Variants in PPP2R2C observed in about 807,000 individuals in gnomAD.
PPP2R2C encodes the protein protein phosphatase 2, regulatory subunit B, gamma.
A neutral mutation model predicts 45.3 loss-of-function variants in PPP2R2C; 10 were observed. The ratio of observed to expected loss-of-function variants is 0.22; its 90% CI spans 0.14 to 0.37. The LOEUF is 0.37. Among genes scored for constraint, PPP2R2C ranks in the 10% least tolerant of loss-of-function variants. PPP2R2C has a pLI of 1.00. For missense variants in PPP2R2C, 308 were observed against 619.7 expected, an observed-to-expected ratio of 0.50 and a Z score of 5.34; for synonymous variants, 257 against 245.4, an observed-to-expected ratio of 1.05 and a Z score of -0.44.
Position 6,322,984 on chromosome 4 carries a change from C to G in PPP2R2C, c.*318G>C. The G allele has an allele frequency of 8.3e-6, 2 of 240,290 alleles. No individual in the cohort carries two copies. The highest frequency in any genetic ancestry group is 8.0e-6 in the Non-Finnish European group (1 of 125,174). 14.9% of individuals were successfully genotyped at this position (240,290 alleles called of 1,614,324 possible). On this transcript the variant is annotated 3_prime_UTR_variant, in exon 9 of 9. Coordinates refer to ENST00000382599, the MANE Select transcript of PPP2R2C (RefSeq NM_020416.4). This position sits in a 1 kb window ranked among gnomAD's most constrained non-coding sequence, Gnocchi z 7.8. Reference sequence around the variant, plus strand: ...CTATTGATGTGGTAAAGACCGCAGACCGAGACAGGAAGGGACGTGAATGAA... The same window carrying G: ...CTATTGATGTGGTAAAGACCGCAGAGCGAGACAGGAAGGGACGTGAATGAA...
chr4:6,439,772 C>A (rs2109424791), intron 1 of PPP2R2C, among the ~76,000 whole-genome samples: 1 of 152,280 alleles, frequency 6.6e-6, no homozygotes, highest in South Asian at 2.1e-4. Flanking sequence ...GCATCAAGTC[C>A]AAGTGCCTGG....
At chr4:6,381,706 C>A in intron 1 of PPP2R2C, 1 of 1,565,258 alleles carries the variant, frequency 6.4e-7, no homozygotes, top group South Asian at 1.2e-5. Flanking sequence ...CCCTGACCCT[C>A]CCTGCACTTC....
chr4:6,361,409 A>T (rs28403035), intron 5 of PPP2R2C, among the ~76,000 whole-genome samples: 3,249 of 152,328 alleles, frequency 0.021, 99 homozygotes, highest in African/African-American at 0.074. Context: ...CCAGAGCTTG[A>T]AAGTCCAGCC....
intron 6 of PPP2R2C, among the ~76,000 whole-genome samples, chr4:6,347,403 G>A (rs932520937): frequency 1.3e-5 from 2 of 152,124 alleles, no homozygotes; most frequent in Non-Finnish European, 2.9e-5. Flanking sequence ...TACAGACCCT[G>A]CTCCAAGGAG....
chr4:6,500,260 G>T (rs192070957), intron 2 of PPP2R2C, among the ~76,000 whole-genome samples: 20 of 152,254 alleles, frequency 1.3e-4, no homozygotes, highest in African/African-American at 4.8e-4. Context: ...CGATTCTCTT[G>T]TCTCAGCCTT....
intron 1 of PPP2R2C, among the ~76,000 whole-genome samples, chr4:6,448,192 C>G (rs1326175178): frequency 6.6e-6 from 1 of 152,184 alleles, no homozygotes; most frequent in Non-Finnish European, 1.5e-5. Context: ...AAGCCCTTTG[C>G]ATCGTTTCCT....
In PPP2R2C at chr4:6,324,972, T is replaced by A. The variant is rs1018641723; in HGVS notation, c.1053-1379A>T. On this transcript the variant is annotated intron_variant, in intron 8 of 8. Transcript: ENST00000382599. The surrounding 1 kb of genome is among the most constrained non-coding windows in gnomAD (Gnocchi z 4.1). Reference sequence around the variant, plus strand: ...GGCTCTTCAGGGAGGAAATCCTGTTTCCTTTTGGAAGCTGAGCTGGGCTTC... The same window carrying A: ...GGCTCTTCAGGGAGGAAATCCTGTTACCTTTTGGAAGCTGAGCTGGGCTTC... 6.6e-6 allele frequency among the ~76,000 whole-genome samples: 1 copy of A among 152,196 alleles called. No individual in the cohort carries two copies. Among genetic ancestry groups the A allele is most frequent in the African/African-American group, 2.4e-5 (1 of 41,436 alleles).
chr4:6,383,156 C>CT, intron 1 of PPP2R2C: 1 of 1,170,910 alleles, frequency 8.5e-7, no homozygotes, highest in Non-Finnish European at 1.1e-6. Flanking sequence ...ATCAACGCCT[C>CT]TGGCGGTACC....
intron 1 of PPP2R2C, among the ~76,000 whole-genome samples, chr4:6,403,143 T>G (rs574293631): frequency 6.6e-6 from 1 of 152,324 alleles, no homozygotes; most frequent in Non-Finnish European, 1.5e-5. Context: ...GGACAGTGGG[T>G]GCCTCCCCAC....
At chr4:6,527,952 G>A (rs1724271874) in intron 2 of PPP2R2C, among the ~76,000 whole-genome samples, 1 of 152,318 alleles carries the variant, frequency 6.6e-6, no homozygotes, top group South Asian at 2.1e-4. Context: ...CGTGAGCCCA[G>A]ACTCCAAGCC....
At position 6,511,195 on chromosome 4, in the gene PPP2R2C, G is replaced by A. The variant is rs560674987; in HGVS notation, c.49+24076C>T. 8.5e-5 allele frequency among the ~76,000 whole-genome samples: 13 copies of A among 152,238 alleles called. 1 individual carries two copies. In the South Asian group the frequency reaches 1.9e-3, roughly 22 times the overall value. Reference sequence around the variant, plus strand: ...GAAAAACACGCAAAATGCTTAGAACGATGCCTGGCATGGCGTGAGTGCTCA... The same window carrying A: ...GAAAAACACGCAAAATGCTTAGAACAATGCCTGGCATGGCGTGAGTGCTCA... On this transcript the variant is annotated intron_variant, in intron 2 of 9. Transcript: ENST00000506140.
intron 1 of PPP2R2C, among the ~76,000 whole-genome samples, chr4:6,446,708 C>T (rs998104262): frequency 2.0e-5 from 3 of 152,096 alleles, no homozygotes; most frequent in African/African-American, 7.2e-5. Context: ...AATACTGGTA[C>T]ACCTGCTCAG....
intron 1 of PPP2R2C, among the ~76,000 whole-genome samples, chr4:6,420,753 G>A (rs1718904555): frequency 1.3e-5 from 2 of 152,178 alleles, no homozygotes; most frequent in South Asian, 2.1e-4. Context: ...TTAAACATGA[G>A]ACAATGGAGC....
intron 2 of PPP2R2C, among the ~76,000 whole-genome samples, chr4:6,529,495 G>A (rs1724325280): frequency 6.6e-6 from 1 of 151,972 alleles, no homozygotes; most frequent in Non-Finnish European, 1.5e-5. Flanking sequence ...TGAGGTGGGT[G>A]CCAACACCTC....
intron 2 of PPP2R2C, among the ~76,000 whole-genome samples, chr4:6,520,649 G>A (rs1283133005): frequency 2.0e-5 from 3 of 152,222 alleles, no homozygotes; most frequent in Non-Finnish European, 4.4e-5. Flanking sequence ...CTCCCCAACA[G>A]CAGCCTTCCT....
intron 1 of PPP2R2C, among the ~76,000 whole-genome samples, chr4:6,423,890 T>C (rs1324499359): frequency 6.6e-6 from 1 of 152,112 alleles, no homozygotes; most frequent in Non-Finnish European, 1.5e-5. Flanking sequence ...AATCAAATGT[T>C]TTGAGAGTGT....
At chr4:6,483,595 C>G (rs1413791890) in intron 2 of PPP2R2C, among the ~76,000 whole-genome samples, 2 of 151,932 alleles carry the variant, frequency 1.3e-5, no homozygotes, top group Non-Finnish European at 2.9e-5. Context: ...AATGTCTGTT[C>G]AGACATTTTG....
Position 6,324,753 on chromosome 4 carries a change from G to A in PPP2R2C, c.1053-1160C>T, listed in dbSNP as rs535527363. Among the ~76,000 whole-genome samples, 42 of 152,320 alleles carry A rather than the reference G, an allele frequency of 2.8e-4. No homozygotes were observed. The highest frequency in any genetic ancestry group is 9.9e-4 in the African/African-American group (41 of 41,572). On this transcript the variant is annotated intron_variant, in intron 8 of 8. Transcript: ENST00000382599. The surrounding 1 kb of genome is among the most constrained non-coding windows in gnomAD (Gnocchi z 4.1). ...CTGCTCCTAAGGAGAAGGGGTTCCT[G>A]CCGGTGGGAGGAAGGGTAAGTTCAT...
chr4:6,521,420 T>A (rs1337586967), intron 2 of PPP2R2C, among the ~76,000 whole-genome samples: 1 of 152,216 alleles, frequency 6.6e-6, no homozygotes, highest in Non-Finnish European at 1.5e-5. Flanking sequence ...AAGCGGGGAC[T>A]TCAATGTATC....
Sources: gnomAD v4.1 joint callset for allele counts (sites outside exome capture counted in the v4.1 genomes callset) on GRCh38, gnomAD v4.1.1 for gene constraint, Gnocchi (gnomAD v3.1) non-coding constraint, MANE v1.5 for transcripts, NCBI Gene and HGNC (gene_info 2026-07-23, HGNC 2026-07-21) for gene names.